Variants in CDH10 observed in about 807,000 individuals in gnomAD.
The protein encoded by CDH10 is cadherin 10, also known as cadherin-10.
A neutral mutation model predicts 73.1 loss-of-function variants in CDH10; 30 were observed. The observed-to-expected ratio is 0.41, with a 90% CI of 0.31 to 0.56. The LOEUF (loss-of-function observed/expected upper bound fraction) is 0.56. Among genes scored for constraint, CDH10 ranks in the 20% least tolerant of loss-of-function variants. The probability of loss-of-function intolerance (pLI) is 0.27; values close to 1 mark genes in which losing one functional copy is unlikely to be tolerated. For missense variants in CDH10, 815 were observed against 973.7 expected (o/e 0.84, Z 2.17); for synonymous variants, 345 against 348.2 (o/e 0.99, Z 0.10).
chr5:24,488,783 T>C (rs868790078), intron 11 of CDH10, among the ~76,000 whole-genome samples: 5 of 132,314 alleles, frequency 3.8e-5, no homozygotes, highest in Admixed American at 1.6e-4. Context: ...ATATATACCT[T>C]GCATGAGACC....
At chr5:24,535,018 T>A in intron 5 of CDH10, 94 bp downstream of exon 5, 4 of 1,151,874 alleles carry the variant, frequency 3.5e-6, no homozygotes, top group Non-Finnish European at 2.4e-6. Flanking sequence ...ATTAAATGAA[T>A]GACAATTGCT....
chr5:24,632,967 C>T (rs1206481669), intron 1 of CDH10, among the ~76,000 whole-genome samples: 3 of 151,222 alleles, frequency 2.0e-5, no homozygotes, highest in South Asian at 4.2e-4. Flanking sequence ...GTATCCAGAT[C>T]GATTGATAAA....
At chr5:24,584,445 C>CTTTTTTTTTTTTTTT (rs34192671) in intron 2 of CDH10, among the ~76,000 whole-genome samples, 7 of 28,086 alleles carry the variant, frequency 2.5e-4, no homozygotes, top group African/African-American at 6.2e-4. Flanking sequence ...CTTTCTTTTC[C>CTTTTTTTTTTTTTTT]TTTTTTTTTT....
chr5:24,511,545 C>CAGACAG (rs1742907037), intron 5 of CDH10, 31 bp from the exon 6 acceptor site: 2 of 573,164 alleles, frequency 3.5e-6, no homozygotes, highest in Non-Finnish European at 5.9e-6. Context: ...AAGAGAGAGA[C>CAGACAG]AGAGAGAGAG....
intron 1 of CDH10, among the ~76,000 whole-genome samples, chr5:24,621,370 T>A (rs1218788774): frequency 1.3e-5 from 2 of 152,140 alleles, no homozygotes; most frequent in Non-Finnish European, 2.9e-5. Flanking sequence ...TCAAACAACC[T>A]TCTCAGCCAT....
At chr5:24,590,209 A>G (rs576514969) in intron 2 of CDH10, among the ~76,000 whole-genome samples, 6 of 152,020 alleles carry the variant, frequency 3.9e-5, no homozygotes, top group Middle Eastern at 3.2e-3. Flanking sequence ...TTCTTACAAA[A>G]CAAAAGGAGT....
chr5:24,537,541 T>C lies in CDH10; in HGVS notation c.365A>G (p.Lys122Arg), dbSNP rs2111895182. The C allele has an allele frequency of 3.1e-6, 5 of 1,613,020 alleles. No homozygotes were observed. The highest frequency in any genetic ancestry group is 4.2e-6 in the Non-Finnish European group (5 of 1,179,224). ...TTGTGCGCGTAGAGTATAAAAGGCC[T>C]TTTCCTCCCTATCAATTCGCCTTGT... is the stretch of plus-strand genomic sequence containing the variant. ...HATRRIDREE[K>R]AFYTLRAQAI... Residue 122 changes from lysine to arginine, a missense_variant, in exon 3 of 12, where the codon AAG (lysine) becomes AGG (arginine). Coordinates refer to ENST00000264463, the MANE Select transcript of CDH10 (RefSeq NM_006727.5).
rs1489172130 is a variant in CDH10, at chr5:24,491,629, C to A, written c.1823G>T (p.Gly608Val). Reference sequence around the variant, plus strand: ...GGCGATCAAGGCCCCAGTGCTGAGGCCGGCAGGGAGGAGCAGGGCTTCAGC... The same window carrying A: ...GGCGATCAAGGCCCCAGTGCTGAGGACGGCAGGGAGGAGCAGGGCTTCAGC... ...CSAEALLLPA[G>V]LSTGALIAIL... The change falls in exon 11 of 12, where the codon GGC (glycine) becomes GTC (valine). Residue 608 changes from glycine (G) to valine (V), a missense_variant. Physicochemically the swap from Gly to Val is moderately radical, Grantham distance 109. This residue lies in a region of CDH10 where 241 missense variants were observed against 240.3 expected (regional missense o/e 1.00). Transcript: ENST00000264463. 1 of 1,613,822 alleles carries A rather than the reference C, an allele frequency of 6.2e-7. No individual in the cohort carries two copies. Among genetic ancestry groups the A allele is most frequent in the Non-Finnish European group, 8.5e-7 (1 of 1,179,846 alleles).
At chr5:24,510,436 T>A (rs1426776187) in intron 6 of CDH10, among the ~76,000 whole-genome samples, 1 of 152,220 alleles carries the variant, frequency 6.6e-6, no homozygotes, top group East Asian at 1.9e-4. Context: ...GTCAGAAGTA[T>A]AAAATCAACT....
At chr5:24,511,194 T>C in intron 6 of CDH10, 133 bp downstream of exon 6, 1 of 642,054 alleles carries the variant, frequency 1.6e-6, no homozygotes, top group South Asian at 2.3e-5. Context: ...CTTTCTTATG[T>C]ATGCACAGTA....
chr5:24,488,794 C>G (rs1031399169), intron 11 of CDH10, among the ~76,000 whole-genome samples: 1 of 133,106 alleles, frequency 7.5e-6, no homozygotes, highest in African/African-American at 2.9e-5. Flanking sequence ...GCATGAGACC[C>G]CCCCCCCAAA....
At chr5:24,578,011 G>A (rs1453454468) in intron 2 of CDH10, among the ~76,000 whole-genome samples, 2 of 152,098 alleles carry the variant, frequency 1.3e-5, no homozygotes, top group Non-Finnish European at 2.9e-5. Flanking sequence ...GTCTCTATGA[G>A]GAAATGTGTA....
chr5:24,538,776 G>A (rs374017986), intron 2 of CDH10, among the ~76,000 whole-genome samples: 2 of 152,164 alleles, frequency 1.3e-5, no homozygotes, highest in African/African-American at 4.8e-5. Flanking sequence ...TTCTGGAAAT[G>A]GACAGGCAGT....
intron 1 of CDH10, among the ~76,000 whole-genome samples, chr5:24,607,275 G>C (rs572092614): frequency 1.1e-4 from 16 of 152,134 alleles, no homozygotes; most frequent in Non-Finnish European, 1.8e-4. Flanking sequence ...ACTGAAGTAA[G>C]ATTACATTTT....
At chr5:24,527,759 T>C (rs1175029990) in intron 5 of CDH10, among the ~76,000 whole-genome samples, 1 of 151,838 alleles carries the variant, frequency 6.6e-6, no homozygotes, top group Non-Finnish European at 1.5e-5. Context: ...GAAATGTCAC[T>C]ATGGAGTGCA....
chr5:24,509,698 A>G lies in CDH10; in HGVS notation c.1124T>C (p.Ile375Thr). Residue 375 changes from isoleucine (I) to threonine (T), a missense_variant, in exon 7 of 12, where the codon ATA (isoleucine) becomes ACA (threonine). Ile to Thr is a moderately conservative substitution (Grantham distance 89, BLOSUM62 -1). Around this residue, in one of 3 missense-constraint regions of CDH10, gnomAD observed 516 missense variants for 636.6 expected, o/e 0.81. Coordinates refer to ENST00000264463, the MANE Select transcript of CDH10 (RefSeq NM_006727.5). ...AACAGGAGGTTCATCCACATCTTCT[A>G]TAGAGATTTTCACTATGGTAGTATC... ...FKDTTIVKIS[I>T]EDVDEPPVFS... is the part of the protein sequence containing the mutation. The G allele has an allele frequency of 1.2e-6, 2 of 1,613,746 alleles. No homozygotes were observed. Among genetic ancestry groups the G allele is most frequent in the Non-Finnish European group, 1.7e-6 (2 of 1,179,652 alleles).
intron 1 of CDH10, among the ~76,000 whole-genome samples, chr5:24,596,596 CTT>C (rs1309741128): frequency 1.1e-4 from 16 of 151,906 alleles, no homozygotes; most frequent in Non-Finnish European, 1.9e-4. Flanking sequence ...AACATCAAAA[CTT>C]TATATTTCAT....
intron 1 of CDH10, among the ~76,000 whole-genome samples, chr5:24,613,522 GAA>G (rs34515702): frequency 3.3e-5 from 4 of 122,854 alleles, no homozygotes; most frequent in Non-Finnish European, 4.9e-5. Context: ...TCTTTGCTGG[GAA>G]AAAAAAAAAA....
At chr5:24,530,276 A>T (rs1163105138) in intron 5 of CDH10, among the ~76,000 whole-genome samples, 7 of 151,870 alleles carry the variant, frequency 4.6e-5, no homozygotes, top group African/African-American at 1.7e-4. Flanking sequence ...GGGCAGATGA[A>T]AATCAATATT....
Sources: allele counts gnomAD v4.1 joint callset (sites outside exome capture counted in the v4.1 genomes callset), GRCh38; gene constraint gnomAD v4.1.1; regional missense constraint gnomAD v4.1.1; transcripts MANE v1.5; gene names NCBI Gene and HGNC (gene_info 2026-07-23, HGNC 2026-07-21).